The following UST variants were observed in gnomAD, a reference collection of about 807,000 sequenced individuals.
UST encodes uronyl 2-sulfotransferase, also known as chondroitin sulfate 2-O-sulfotransferase.
A neutral mutation model predicts 45.6 loss-of-function variants in UST; 21 were observed. That is an observed-to-expected ratio of 0.46 (90% CI 0.33 to 0.66). The LOEUF (loss-of-function observed/expected upper bound fraction) is 0.66, where lower values mean the gene tolerates loss of function less well. Among genes scored for constraint, UST ranks in the 30% least tolerant of loss-of-function variants. UST has a pLI of 0.02. For missense variants in UST, 463 were observed against 512.4 expected (o/e 0.90, Z 0.93); for synonymous variants, 215 against 200.6 (o/e 1.07, Z -0.61).
At chr6:148,841,737 A>G (rs1190744441) in intron 1 of UST, among the ~76,000 whole-genome samples, 5 of 152,194 alleles carry the variant, frequency 3.3e-5, no homozygotes, top group African/African-American at 9.7e-5. Context: ...GTCTCTGAAG[A>G]ATAAGAATGA....
intron 1 of UST, among the ~76,000 whole-genome samples, chr6:148,821,411 G>T (rs1393138232): frequency 6.6e-6 from 1 of 152,220 alleles, no homozygotes; most frequent in African/African-American, 2.4e-5. Context: ...AAGGGAGGCT[G>T]AGTTCTCAGT....
At chr6:149,062,677 T>G (rs1174106020) in intron 7 of UST, among the ~76,000 whole-genome samples, 1 of 152,160 alleles carries the variant, frequency 6.6e-6, no homozygotes, top group Non-Finnish European at 1.5e-5. Flanking sequence ...TCCACTCAAT[T>G]TGGAAATTAA....
chr6:148,915,472 C>G (rs1779570689), intron 2 of UST, among the ~76,000 whole-genome samples: 1 of 152,144 alleles, frequency 6.6e-6, no homozygotes, highest in Non-Finnish European at 1.5e-5. Context: ...CCCAGGTCAG[C>G]CAGTCCCAGA....
chr6:148,939,030 G>T (rs1257911221), intron 2 of UST, among the ~76,000 whole-genome samples: 2 of 152,070 alleles, frequency 1.3e-5, no homozygotes, highest in Non-Finnish European at 2.9e-5. Context: ...CAGCAAGATT[G>T]TGGAATATAA....
At chr6:148,946,670 C>T (rs1386479435) in intron 3 of UST, among the ~76,000 whole-genome samples, 5 of 149,560 alleles carry the variant, frequency 3.3e-5, no homozygotes, top group Non-Finnish European at 5.9e-5. Flanking sequence ...AAAAATTAGC[C>T]GGGCGTGGTG....
intron 1 of UST, among the ~76,000 whole-genome samples, chr6:148,875,264 C>T (rs1410346809): frequency 6.6e-6 from 1 of 152,118 alleles, no homozygotes; most frequent in African/African-American, 2.4e-5. Flanking sequence ...TAATGCAAGG[C>T]TTCAGAGTCA....
At chr6:148,900,028 C>T (rs543013666) in intron 2 of UST, among the ~76,000 whole-genome samples, 30 of 152,114 alleles carry the variant, frequency 2.0e-4, no homozygotes, top group Non-Finnish European at 3.2e-4. Flanking sequence ...ATGATTATGT[C>T]TCCTTTCCTG....
At chr6:148,871,141 T>TCTCTCTCTCTCTCTCTCCCC (rs1562283619) in intron 1 of UST, among the ~76,000 whole-genome samples, 1 of 149,260 alleles carries the variant, frequency 6.7e-6, no homozygotes, top group African/African-American at 2.5e-5. Flanking sequence ...TCTCTCTCTC[T>TCTCTCTCTCTCTCTCTCCCC]CTCTCCCTCT....
At position 148,807,509 on chromosome 6, in the gene UST, A is replaced by G. The variant is rs1049466646; in HGVS notation, c.247+59832A>G. Among the ~76,000 whole-genome samples the G allele has an allele frequency of 2.6e-5, 4 of 152,242 alleles. No individual in the cohort carries two copies. In the East Asian group the frequency reaches 7.7e-4, roughly 29 times the overall value. ...AGAATGGAGTGTATATTTGCCTAGT[A>G]TGTGTGCAGTAAATACTGGTTTTCC... On this transcript the variant is annotated intron_variant, in intron 1 of 7. Transcript: ENST00000367463.
At chr6:148,970,551 G>A (rs547688419) in intron 5 of UST, among the ~76,000 whole-genome samples, 88 of 152,290 alleles carry the variant, frequency 5.8e-4, no homozygotes, top group Non-Finnish European at 9.8e-4. Flanking sequence ...CAGGAGCCAC[G>A]GGGCAGGAGA....
chr6:148,926,941 G>GA (rs1353785574), intron 2 of UST, among the ~76,000 whole-genome samples: 1 of 139,998 alleles, frequency 7.1e-6, no homozygotes, highest in Non-Finnish European at 1.5e-5. Context: ...TAATAGGTTT[G>GA]AAAAAATGTT....
intron 5 of UST, among the ~76,000 whole-genome samples, chr6:148,992,355 A>T (rs952769494): frequency 6.6e-6 from 1 of 152,104 alleles, no homozygotes; most frequent in Non-Finnish European, 1.5e-5. Context: ...ATACAAAAAA[A>T]ATTAGCCGGG....
intron 1 of UST, among the ~76,000 whole-genome samples, chr6:148,764,011 GT>G (rs758242413): frequency 6.6e-6 from 1 of 152,096 alleles, no homozygotes; most frequent in Non-Finnish European, 1.5e-5. Flanking sequence ...TTTTAGGATT[GT>G]TTTTTCTAAT....
intron 7 of UST, among the ~76,000 whole-genome samples, chr6:149,061,222 G>A (rs936186292): frequency 6.6e-6 from 1 of 152,178 alleles, no homozygotes; most frequent in South Asian, 2.1e-4. Flanking sequence ...CAGAGCCAGG[G>A]CTACATCGTT....
At chr6:148,838,299 C>T (rs753049746) in intron 1 of UST, among the ~76,000 whole-genome samples, 2 of 152,090 alleles carry the variant, frequency 1.3e-5, no homozygotes, top group Non-Finnish European at 2.9e-5. Context: ...GGAAGGCCAG[C>T]GTGTGCAGGT....
intron 1 of UST, among the ~76,000 whole-genome samples, chr6:148,820,639 A>G (rs1233586888): frequency 6.6e-6 from 1 of 152,086 alleles, no homozygotes; most frequent in Admixed American, 6.5e-5. Flanking sequence ...TCACGAGGTC[A>G]GGAGATCAAG....
At chr6:149,063,579 G>A (rs1407529229) in intron 7 of UST, among the ~76,000 whole-genome samples, 2 of 152,106 alleles carry the variant, frequency 1.3e-5, no homozygotes, top group East Asian at 1.9e-4. Context: ...ACTGCTTCTC[G>A]CTAAGGACCC....
chr6:148,871,117 C>CCCCTCTCTCT (rs1554221900), intron 1 of UST, among the ~76,000 whole-genome samples: 1 of 97,586 alleles, frequency 1.0e-5, no homozygotes, highest in East Asian at 3.3e-4. Flanking sequence ...GCATTCTCTC[C>CCCCTCTCTCT]CTCTCTCTCT....
intron 1 of UST, among the ~76,000 whole-genome samples, chr6:148,837,923 G>A (rs1324110580): frequency 6.6e-6 from 1 of 152,278 alleles, no homozygotes; most frequent in South Asian, 2.1e-4. Context: ...GGCTGGTCTT[G>A]AACTCCTGAG....
Sources: gnomAD v4.1 joint callset for allele counts (sites outside exome capture counted in the v4.1 genomes callset) on GRCh38, gnomAD v4.1.1 for gene constraint, MANE v1.5 for transcripts, NCBI Gene and HGNC (gene_info 2026-07-23, HGNC 2026-07-21) for gene names.